SLC24A2: variants seen among roughly 807,000 people sequenced by gnomAD.
SLC24A2 encodes solute carrier family 24 member 2.
In SLC24A2, 36 loss-of-function variants were observed where a neutral mutation model predicts 62.0. The observed-to-expected ratio is 0.58, with a 90% CI of 0.44 to 0.77. The LOEUF is 0.77. SLC24A2 is among the 30% of genes least tolerant of loss of function. The pLI is 0.00. For missense variants in SLC24A2, 846 were observed against 817.9 expected, an observed-to-expected ratio of 1.03 and a Z score of -0.42; for synonymous variants, 358 against 294.0, an observed-to-expected ratio of 1.22 and a Z score of -2.23.
At chr9:20,090,332 G>T in the SLC24A2 span, among the ~76,000 whole-genome samples, 2 of 152,142 alleles carry the variant, frequency 1.3e-5, no homozygotes, top group South Asian at 2.1e-4. Context: ...TCCAAGTTGG[G>T]GAGGGCACAT....
chr9:19,826,966 C>T, the SLC24A2 span, among the ~76,000 whole-genome samples: 15 of 152,138 alleles, frequency 9.9e-5, no homozygotes, highest in Admixed American at 9.8e-4. Flanking sequence ...CCTGTACTCC[C>T]TGCTTTTCTT....
chr9:19,952,609 T>A, the SLC24A2 span, among the ~76,000 whole-genome samples: 1 of 151,860 alleles, frequency 6.6e-6, no homozygotes, highest in South Asian at 2.1e-4. Flanking sequence ...TCTTGTGACA[T>A]ATTATCTCAT....
intron 3 of SLC24A2, 116 bp from the exon 4 acceptor site, chr9:19,619,808 T>C (rs2117893860): frequency 2.5e-6 from 2 of 787,720 alleles, no homozygotes; most frequent in Non-Finnish European, 4.4e-6. Flanking sequence ...TCACACAGTA[T>C]TGAGCCAAAG....
At chr9:19,958,175 A>C in the SLC24A2 span, 1 of 152,144 alleles carries the variant, frequency 6.6e-6, no homozygotes. Context: ...TGGCAGTTAC[A>C]GACTCGTGGG....
In SLC24A2 at chr9:19,516,015, C is replaced by G; in HGVS notation, c.*138G>C. On this transcript the variant is annotated 3_prime_UTR_variant, in exon 11 of 11. Coordinates refer to ENST00000341998, the MANE Select transcript of SLC24A2 (RefSeq NM_020344.4). ...GAATGGGCCCAGTGTGAATCCATCT[C>G]TCCTCAAATTCACCAAGGAGGGACA... 1.9e-6 allele frequency: 2 copies of G among 1,054,104 alleles called. No individual in the cohort carries two copies. The highest frequency in any genetic ancestry group is 2.5e-5 in the South Asian group (2 of 79,186). 65.3% of individuals were successfully genotyped at this position (1,054,104 alleles called of 1,614,324 possible).
chr9:19,986,575 GTA>G, the SLC24A2 span, among the ~76,000 whole-genome samples: 40,946 of 151,706 alleles, frequency 0.27, 5,873 homozygotes, highest in South Asian at 0.4. Flanking sequence ...ACAAATTGTG[GTA>G]TATATATATC....
chr9:19,808,665 T>G, the SLC24A2 span, among the ~76,000 whole-genome samples: 1 of 152,222 alleles, frequency 6.6e-6, no homozygotes, highest in Non-Finnish European at 1.5e-5. The surrounding 1 kb of genome is among the most constrained non-coding windows in gnomAD (Gnocchi z 4.1). Flanking sequence ...GGTTGAGCAC[T>G]ATGGGGTTAC....
In SLC24A2 at chr9:19,636,762, T is replaced by C. The variant is rs568491837; in HGVS notation, c.931-14463A>G. Among the ~76,000 whole-genome samples, 12 of 152,186 alleles carry C rather than the reference T, an allele frequency of 7.9e-5. No individual in the cohort carries two copies. In the South Asian group the frequency reaches 2.5e-3, roughly 32 times the overall value. Reference sequence around the variant, plus strand: ...ACTAGGGTTTTTAATTTGGAAACTATAGTCTGAATTTAGGTGGGGGGACAG... The same window carrying C: ...ACTAGGGTTTTTAATTTGGAAACTACAGTCTGAATTTAGGTGGGGGGACAG... On this transcript the variant is annotated intron_variant, in intron 2 of 10. Coordinates refer to ENST00000341998, the MANE Select transcript of SLC24A2 (RefSeq NM_020344.4).
chr9:19,717,694 A>G (rs922267635), intron 2 of SLC24A2, among the ~76,000 whole-genome samples: 1 of 152,144 alleles, frequency 6.6e-6, no homozygotes, highest in African/African-American at 2.4e-5. Flanking sequence ...CTATTGCTTG[A>G]GATTCTAAAT....
chr9:20,100,682 C>G, the SLC24A2 span, among the ~76,000 whole-genome samples: 1 of 152,178 alleles, frequency 6.6e-6, no homozygotes, highest in Non-Finnish European at 1.5e-5. Context: ...TCCAATGCTA[C>G]TACTGATAAG....
At chr9:19,839,190 G>C in the SLC24A2 span, among the ~76,000 whole-genome samples, 1 of 152,166 alleles carries the variant, frequency 6.6e-6, no homozygotes, top group Non-Finnish European at 1.5e-5. Context: ...ACCACAATGA[G>C]GTACCATCTC....
intron 2 of SLC24A2, among the ~76,000 whole-genome samples, chr9:19,785,308 T>C (rs1336689437): frequency 6.6e-6 from 1 of 152,184 alleles, no homozygotes; most frequent in Non-Finnish European, 1.5e-5. Flanking sequence ...AAGTGGGTCA[T>C]TGTGATGCAG....
chr9:19,752,365 G>C (rs1035091123), intron 2 of SLC24A2, among the ~76,000 whole-genome samples: 1 of 152,056 alleles, frequency 6.6e-6, no homozygotes, highest in Admixed American at 6.6e-5. Context: ...ATTCCGACTC[G>C]AACACCAAGG....
chr9:19,553,420 G>C (rs898494146), intron 7 of SLC24A2, among the ~76,000 whole-genome samples: 2 of 152,148 alleles, frequency 1.3e-5, no homozygotes, highest in Admixed American at 6.5e-5. Context: ...GTCCAGAAAG[G>C]ATTCAAATGG....
the SLC24A2 span, among the ~76,000 whole-genome samples, chr9:19,938,988 G>A: frequency 6.6e-6 from 1 of 152,174 alleles, no homozygotes; most frequent in Non-Finnish European, 1.5e-5. Flanking sequence ...TGGTAATGGA[G>A]AATGGAAAAA....
the SLC24A2 span, among the ~76,000 whole-genome samples, chr9:20,205,502 T>G: frequency 2.0e-5 from 3 of 151,286 alleles, no homozygotes; most frequent in Admixed American, 1.3e-4. Context: ...CAAAAAAAAA[T>G]TAACCAGTCG....
At chr9:19,735,873 G>A (rs1031277891) in intron 2 of SLC24A2, among the ~76,000 whole-genome samples, 2 of 151,948 alleles carry the variant, frequency 1.3e-5, no homozygotes, top group Non-Finnish European at 2.9e-5. Flanking sequence ...TGGGGGGAAG[G>A]GGGAGGATAG....
chr9:20,024,986 C>T, the SLC24A2 span, among the ~76,000 whole-genome samples: 1 of 152,168 alleles, frequency 6.6e-6, no homozygotes, highest in Non-Finnish European at 1.5e-5. Context: ...CCTAGACCAC[C>T]AGGCCAGTGG....
chr9:20,059,763 T>TAAAACC, the SLC24A2 span, among the ~76,000 whole-genome samples: 1 of 151,736 alleles, frequency 6.6e-6, no homozygotes, highest in African/African-American at 2.4e-5. Context: ...AAGTTCAAAC[T>TAAAACC]AAAACCAAAG....
Sources: gnomAD v4.1 joint callset for allele counts (sites outside exome capture counted in the v4.1 genomes callset) on GRCh38, gnomAD v4.1.1 for gene constraint, Gnocchi (gnomAD v3.1) non-coding constraint, MANE v1.5 for transcripts, NCBI Gene and HGNC (gene_info 2026-07-23, HGNC 2026-07-21) for gene names.